AFG2A: variants seen among roughly 807,000 people sequenced by gnomAD.
AFG2A encodes the protein AAA ATPase AFG2A.
At chr4:123,005,629 C>T in the AFG2A span, among the ~76,000 whole-genome samples, 7 of 152,134 alleles carry the variant, frequency 4.6e-5, no homozygotes. Flanking sequence ...CATTCAAAGC[C>T]ATAAACATTC....
chr4:123,296,538 C>T, the AFG2A span, among the ~76,000 whole-genome samples: 1 of 152,086 alleles, frequency 6.6e-6, no homozygotes, highest in African/African-American at 2.4e-5. Flanking sequence ...AAAAGTGTTA[C>T]AGTATATCTT....
chr4:123,049,241 T>A, the AFG2A span, among the ~76,000 whole-genome samples: 1 of 152,200 alleles, frequency 6.6e-6, no homozygotes, highest in Non-Finnish European at 1.5e-5. Flanking sequence ...ATCTTTTTAA[T>A]GTATTATTGA....
At chr4:123,294,315 A>T in the AFG2A span, among the ~76,000 whole-genome samples, 1 of 152,182 alleles carries the variant, frequency 6.6e-6, no homozygotes, top group Admixed American at 6.5e-5. Context: ...TAGTTCTCAG[A>T]TGCCAGCTAT....
the AFG2A span, among the ~76,000 whole-genome samples, chr4:123,254,949 A>G: frequency 1.5e-3 from 224 of 152,176 alleles, 1 homozygote; most frequent in African/African-American, 5.2e-3. Context: ...ATATAGATAC[A>G]GATATATATA....
chr4:122,930,585 A>G, the AFG2A span, among the ~76,000 whole-genome samples: 4 of 152,222 alleles, frequency 2.6e-5, no homozygotes, highest in African/African-American at 9.6e-5. Context: ...CCGGCTGTAT[A>G]CAGAAGCTTT....
At chr4:123,211,255 A>G in the AFG2A span, among the ~76,000 whole-genome samples, 2 of 152,178 alleles carry the variant, frequency 1.3e-5, no homozygotes, top group African/African-American at 4.8e-5. Flanking sequence ...TTCAACCTGT[A>G]TCCCTTGATA....
At chr4:123,238,439 C>T in the AFG2A span, among the ~76,000 whole-genome samples, 3 of 152,182 alleles carry the variant, frequency 2.0e-5, no homozygotes, top group Non-Finnish European at 4.4e-5. Flanking sequence ...CTGACAGACA[C>T]CTCATACAGG....
the AFG2A span, among the ~76,000 whole-genome samples, chr4:123,108,602 A>G: frequency 6.6e-6 from 1 of 152,212 alleles, no homozygotes; most frequent in Non-Finnish European, 1.5e-5. Context: ...GTTATGAAAA[A>G]GACAATGATA....
At chr4:123,185,595 T>C in the AFG2A span, among the ~76,000 whole-genome samples, 2 of 152,226 alleles carry the variant, frequency 1.3e-5, no homozygotes, top group Non-Finnish European at 2.9e-5. Flanking sequence ...TACTTTATCT[T>C]ACTTCACATA....
the AFG2A span, among the ~76,000 whole-genome samples, chr4:123,011,115 C>T: frequency 6.6e-6 from 1 of 152,204 alleles, no homozygotes; most frequent in African/African-American, 2.4e-5. Context: ...TGTTCTCTGG[C>T]CAGCATTGAT....
the AFG2A span, among the ~76,000 whole-genome samples, chr4:123,226,265 A>G: frequency 6.6e-6 from 1 of 152,176 alleles, no homozygotes; most frequent in African/African-American, 2.4e-5. Context: ...AGGAGTGGTG[A>G]CAGAGGGCAT....
the AFG2A span, among the ~76,000 whole-genome samples, chr4:123,183,996 A>G: frequency 6.6e-6 from 1 of 151,522 alleles, no homozygotes; most frequent in African/African-American, 2.4e-5. Context: ...GGGTCTTGCC[A>G]TGTTGCCCAG....
At chr4:123,021,775 G>A in the AFG2A span, among the ~76,000 whole-genome samples, 2 of 152,182 alleles carry the variant, frequency 1.3e-5, no homozygotes, top group Non-Finnish European at 2.9e-5. Flanking sequence ...GCCCAGGAGA[G>A]GGGACCTCTA....
At chr4:123,126,954 C>T in the AFG2A span, among the ~76,000 whole-genome samples, 1 of 152,154 alleles carries the variant, frequency 6.6e-6, no homozygotes, top group Non-Finnish European at 1.5e-5. Context: ...AGTGCAGTGG[C>T]CCACACCTGT....
At chr4:123,008,769 G>A in the AFG2A span, among the ~76,000 whole-genome samples, 1 of 152,136 alleles carries the variant, frequency 6.6e-6, no homozygotes, top group Admixed American at 6.6e-5. Context: ...AGGGTAGATT[G>A]ATGAAACTTA....
chr4:123,062,317 G>T, the AFG2A span, among the ~76,000 whole-genome samples: 2 of 152,178 alleles, frequency 1.3e-5, no homozygotes, highest in Non-Finnish European at 2.9e-5. Context: ...CCTGGATGAT[G>T]TAGCCTTCTA....
At chr4:123,104,609 A>G in the AFG2A span, among the ~76,000 whole-genome samples, 158 of 152,346 alleles carry the variant, frequency 1.0e-3, no homozygotes, top group African/African-American at 3.8e-3. Context: ...TGTAAATGCT[A>G]AGGAAAAGTT....
the AFG2A span, among the ~76,000 whole-genome samples, chr4:123,230,983 G>A: frequency 3.3e-5 from 5 of 152,070 alleles, no homozygotes; most frequent in Admixed American, 2.0e-4. Context: ...TGTCTTGCAG[G>A]CTTGGTTGTT....
chr4:123,219,865 G>GA, the AFG2A span, among the ~76,000 whole-genome samples: 28 of 150,974 alleles, frequency 1.9e-4, no homozygotes, highest in African/African-American at 6.4e-4. Context: ...GTAATGAGTT[G>GA]AAAAAAAATT....
Sources: gnomAD v4.1 joint callset for allele counts (sites outside exome capture counted in the v4.1 genomes callset) on GRCh38, gnomAD v4.1.1 for gene constraint, MANE v1.5 for transcripts, NCBI Gene and HGNC (gene_info 2026-07-23, HGNC 2026-07-21) for gene names.